The following AHI1 variants were observed in gnomAD, a reference collection of about 807,000 sequenced individuals.
The protein encoded by AHI1 is jouberin.
In AHI1, 123 loss-of-function variants were observed where a neutral mutation model predicts 149.3. The observed-to-expected ratio is 0.82, with a 90% CI of 0.71 to 0.96. The LOEUF (loss-of-function observed/expected upper bound fraction) is 0.96. Among genes scored for constraint, AHI1 ranks in the 40% least tolerant of loss-of-function variants. The probability of loss-of-function intolerance (pLI) is 0.00; values close to 1 mark genes in which losing one functional copy is unlikely to be tolerated. For missense variants in AHI1, 1,439 were observed against 1,422.7 expected (o/e 1.01, Z -0.18); for synonymous variants, 475 against 459.8 (o/e 1.03, Z -0.42).
At chr6:135,322,682 T>C (rs904094348) in intron 25 of AHI1, among the ~76,000 whole-genome samples, 5 of 152,300 alleles carry the variant, frequency 3.3e-5, no homozygotes, top group South Asian at 2.1e-4. Context: ...GCTCATTTTT[T>C]CCCCCATAAA....
At chr6:135,389,972 A>G (rs1178419172) in intron 23 of AHI1, among the ~76,000 whole-genome samples, 1 of 151,742 alleles carries the variant, frequency 6.6e-6, no homozygotes, top group East Asian at 1.9e-4. Context: ...GCTCAACATA[A>G]ATTCATAAAT....
intron 24 of AHI1, among the ~76,000 whole-genome samples, chr6:135,334,768 A>G (rs1186762419): frequency 1.3e-5 from 2 of 152,238 alleles, no homozygotes; most frequent in East Asian, 3.8e-4. Context: ...TAATCTGCTC[A>G]CTATAAAAAG....
chr6:135,420,129 G>A (rs1319591552), intron 20 of AHI1, among the ~76,000 whole-genome samples: 1 of 152,070 alleles, frequency 6.6e-6, no homozygotes, highest in African/African-American at 2.4e-5. Context: ...CTTCATTGAA[G>A]TCTTGAAGCC....
At chr6:135,469,163 C>T (rs1214514927) in intron 5 of AHI1, among the ~76,000 whole-genome samples, 1 of 152,148 alleles carries the variant, frequency 6.6e-6, no homozygotes, top group Non-Finnish European at 1.5e-5. Context: ...TATCCACCAC[C>T]ATCAAGTCAG....
At chr6:135,300,325 C>CAAAAAAAAAAAA in intron 27 of AHI1, among the ~76,000 whole-genome samples, 175 bp downstream of exon 27, 1 of 65,920 alleles carries the variant, frequency 1.5e-5, no homozygotes, top group Non-Finnish European at 3.2e-5. Flanking sequence ...ACTCTGTCTC[C>CAAAAAAAAAAAA]AAAAAAAAAA....
chr6:135,384,421 A>G (rs1777284844), intron 23 of AHI1, among the ~76,000 whole-genome samples: 2 of 152,338 alleles, frequency 1.3e-5, no homozygotes, highest in South Asian at 2.1e-4. Flanking sequence ...AAATGAAATA[A>G]TAACTTGCTC....
At chr6:135,390,010 TG>T (rs1778243557) in intron 23 of AHI1, among the ~76,000 whole-genome samples, 2 of 79,438 alleles carry the variant, frequency 2.5e-5, no homozygotes, top group South Asian at 3.0e-4. Flanking sequence ...AGTTTTTTTG[TG>T]TTTTTTTTAT....
chr6:135,308,462 C>T (rs1784783293), intron 26 of AHI1, among the ~76,000 whole-genome samples: 1 of 152,164 alleles, frequency 6.6e-6, no homozygotes, highest in Non-Finnish European at 1.5e-5. Context: ...TCTCAAACTC[C>T]TGAGCTCAAG....
At chr6:135,364,948 AGGGAGT>A (rs1268695897) in intron 23 of AHI1, among the ~76,000 whole-genome samples, 3 of 150,700 alleles carry the variant, frequency 2.0e-5, no homozygotes, top group African/African-American at 7.4e-5. Context: ...GGAGAGGGAG[AGGGAGT>A]GGGAGCGGGA....
In AHI1 at chr6:135,290,482, T is replaced by A. The variant is rs1353531887; in HGVS notation, c.3529A>T (p.Ile1177Leu). 2 of 1,613,906 alleles carry A rather than the reference T, an allele frequency of 1.2e-6. No individual in the cohort carries two copies. The highest frequency in any genetic ancestry group is 2.2e-5 in the South Asian group (2 of 91,084). Reference sequence around the variant, plus strand: ...TTCTTCCTCATCCGTGTATCCATTATGTGTCCTTGGTCCTCATGGCTCTGT... The same window carrying A: ...TTCTTCCTCATCCGTGTATCCATTAAGTGTCCTTGGTCCTCATGGCTCTGT... ...KEQSHEDQGH[I>L]MDTRMRKNKQ... The change falls in exon 28 of 29, where the codon ATA becomes TTA. Residue 1177 changes from isoleucine to leucine, a missense_variant. Coordinates refer to ENST00000265602, the MANE Select transcript of AHI1 (RefSeq NM_001134831.2).
intron 5 of AHI1, among the ~76,000 whole-genome samples, chr6:135,476,709 A>G (rs1171347018): frequency 6.6e-6 from 1 of 152,162 alleles, no homozygotes; most frequent in African/African-American, 2.4e-5. Context: ...CACCTTTATC[A>G]TTAAAAAGAT....
intron 24 of AHI1, among the ~76,000 whole-genome samples, chr6:135,354,274 G>T (rs1448909959): frequency 6.6e-6 from 1 of 152,022 alleles, no homozygotes; most frequent in Non-Finnish European, 1.5e-5. Flanking sequence ...TTATTCATTC[G>T]AATAGGCCAT....
chr6:135,495,942 C>T (rs1233462947), intron 2 of AHI1, 44 bp from the exon 3 acceptor site: 1 of 152,060 alleles, frequency 6.6e-6, no homozygotes. Flanking sequence ...GTAATCAGTA[C>T]ATTGCAATAA....
At position 135,447,003 on chromosome 6, in the gene AHI1, T is replaced by C; in HGVS notation, c.1779+5A>G. ...AAATAAATCCACTATTATCAAACAC[T>C]TCACCTGCCCAGGGAGTCGTTTCCA... On this transcript the variant is annotated splice_donor_5th_base_variant and intron_variant, in intron 13 of 28. Transcript: ENST00000265602. The C allele has an allele frequency of 6.2e-7, 1 of 1,606,894 alleles. No individual in the cohort carries two copies. The highest frequency in any genetic ancestry group is 8.5e-7 in the Non-Finnish European group (1 of 1,177,014).
At chr6:135,286,577 A>T (rs1583495710) in intron 28 of AHI1, 1 of 152,236 alleles carries the variant, frequency 6.6e-6, no homozygotes, top group East Asian at 1.9e-4. Context: ...ATGGCTAACC[A>T]TTCCTGAAGG....
At chr6:135,405,859 CAAAAAAAAAAAAAAAGA>C (rs1554321199) in intron 21 of AHI1, among the ~76,000 whole-genome samples, 1 of 29,440 alleles carries the variant, frequency 3.4e-5, no homozygotes, top group Non-Finnish European at 7.4e-5. Flanking sequence ...GACTCCAACT[CAAAAAAAAAAAAAAAGA>C]AAAAAAAAAG....
intron 5 of AHI1, among the ~76,000 whole-genome samples, chr6:135,473,270 T>C (rs780637220): frequency 5.9e-5 from 9 of 152,192 alleles, no homozygotes; most frequent in Non-Finnish European, 1.2e-4. Context: ...TATATTTGAA[T>C]CTATTTCTAT....
In AHI1 at chr6:135,284,240, A is replaced by ATGTT. The variant is rs1034626632; in HGVS notation, c.*1401_*1404dup. On this transcript the variant is annotated 3_prime_UTR_variant, in exon 29 of 29. Coordinates refer to ENST00000265602, the MANE Select transcript of AHI1 (RefSeq NM_001134831.2). ...TTTTTAAAGTTCTACACAGCGGGACATGTTTACCAATTTTTATGCCTCTAC... is the reference window on the plus strand; with the variant it reads ...TTTTTAAAGTTCTACACAGCGGGACATGTTTGTTTACCAATTTTTATGCCTCTAC... The ATGTT allele has an allele frequency of 6.6e-6, 1 of 152,206 alleles. No homozygotes were observed. The highest frequency in any genetic ancestry group is 1.5e-5 in the Non-Finnish European group (1 of 68,032). The allele number at this position is 152,206 out of a possible 1,614,324, so 9.4% of individuals were successfully genotyped here.
chr6:135,471,789 G>T (rs985767546), intron 5 of AHI1, among the ~76,000 whole-genome samples: 2 of 151,278 alleles, frequency 1.3e-5, no homozygotes, highest in Admixed American at 1.3e-4. Context: ...GAGGCGGGTG[G>T]ATCATGAGGT....
Sources: gnomAD v4.1 joint callset for allele counts (sites outside exome capture counted in the v4.1 genomes callset) on GRCh38, gnomAD v4.1.1 for gene constraint, MANE v1.5 for transcripts, NCBI Gene and HGNC (gene_info 2026-07-23, HGNC 2026-07-21) for gene names.